The following HPSE2 variants were observed in gnomAD, a reference collection of about 807,000 sequenced individuals.
HPSE2 encodes the protein heparanase 2 (inactive), also known as inactive heparanase-2.
HPSE2 carries 38 observed loss-of-function variants against 60.5 expected under a neutral mutation model. The observed-to-expected ratio is 0.63, with a 90% CI of 0.48 to 0.82. The LOEUF is 0.82. HPSE2 is among the 40% of genes least tolerant of loss of function. HPSE2 has a pLI of 0.00. For synonymous variants in HPSE2, 295 were observed against 293.2 expected, an observed-to-expected ratio of 1.01 and a Z score of -0.06; for missense variants, 713 against 740.4, an observed-to-expected ratio of 0.96 and a Z score of 0.43.
intron 5 of HPSE2, among the ~76,000 whole-genome samples, chr10:98,709,342 C>T (rs553042566): frequency 1.2e-4 from 18 of 152,090 alleles, no homozygotes; most frequent in Non-Finnish European, 2.4e-4. Context: ...CATTCTAATC[C>T]CTAGATTTAG....
At chr10:98,935,299 T>C (rs1188605307) in intron 3 of HPSE2, among the ~76,000 whole-genome samples, 1 of 143,234 alleles carries the variant, frequency 7.0e-6, no homozygotes, top group Admixed American at 7.0e-5. Flanking sequence ...TTCATCCATC[T>C]CAGCTTTAGC....
intron 6 of HPSE2, among the ~76,000 whole-genome samples, chr10:98,688,000 C>G (rs1947961949): frequency 6.6e-6 from 1 of 151,500 alleles, no homozygotes; most frequent in African/African-American, 2.4e-5. Context: ...GATTTTTTTC[C>G]CATTTATTTT....
At chr10:98,894,981 G>A (rs891281716) in intron 3 of HPSE2, among the ~76,000 whole-genome samples, 13 of 151,920 alleles carry the variant, frequency 8.6e-5, no homozygotes, top group Non-Finnish European at 1.8e-4. Flanking sequence ...AAAGTGATGA[G>A]AAAACAAATA....
intron 11 of HPSE2, among the ~76,000 whole-genome samples, chr10:98,471,458 T>C (rs1030292183): frequency 6.6e-6 from 1 of 152,126 alleles, no homozygotes; most frequent in Non-Finnish European, 1.5e-5. Context: ...GACTCAGATA[T>C]CTTTCTAACT....
In HPSE2 at chr10:99,094,536, ATATATTTTTTTTTTTTTTTTTT is replaced by A. The variant is rs1308804884; in HGVS notation, c.610+49680_610+49701del. Among the ~76,000 whole-genome samples, 140 of 20,494 alleles carry A rather than the reference ATATATTTTTTTTTTTTTTTTTT, an allele frequency of 6.8e-3. 1 individual carries two copies. Among genetic ancestry groups the A allele is most frequent in the Non-Finnish European group, 0.011 (111 of 9,948 alleles). The allele number at this position is 20,494 out of a possible 152,430, so 13.4% of individuals were successfully genotyped here. A position where few individuals can be genotyped will look rare whatever the true frequency, so the allele number is the denominator to read the frequency against. Reference sequence around the variant, plus strand: ...CATTCATATATATATATATATATATATATATTTTTTTTTTTTTTTTTTTTTTTTTTTTTTTTCTGAGACAGAG... The same window carrying A: ...CATTCATATATATATATATATATATATTTTTTTTTTTTTTCTGAGACAGAG... On this transcript the variant is annotated intron_variant, in intron 3 of 11. Coordinates refer to ENST00000370552, the MANE Select transcript of HPSE2 (RefSeq NM_021828.5).
At chr10:98,628,424 C>T (rs1251560450) in intron 7 of HPSE2, among the ~76,000 whole-genome samples, 4 of 152,238 alleles carry the variant, frequency 2.6e-5, no homozygotes, top group African/African-American at 9.6e-5. Context: ...ATGATTCTCC[C>T]TGTGCTAGAA....
At chr10:98,999,891 T>C (rs951408113) in intron 3 of HPSE2, among the ~76,000 whole-genome samples, 29 of 152,190 alleles carry the variant, frequency 1.9e-4, no homozygotes, top group Admixed American at 2.6e-4. Context: ...ATGACATTTT[T>C]GAATTCGCTT....
intron 3 of HPSE2, among the ~76,000 whole-genome samples, chr10:99,136,927 A>G (rs1336963981): frequency 1.3e-5 from 2 of 152,228 alleles, no homozygotes; most frequent in Admixed American, 6.5e-5. Flanking sequence ...AGCGTATTCA[A>G]ATAGGAAGAG....
At chr10:99,203,864 A>AGGCCCGC (rs1327812206) in intron 2 of HPSE2, among the ~76,000 whole-genome samples, 3 of 152,002 alleles carry the variant, frequency 2.0e-5, no homozygotes, top group African/African-American at 7.2e-5. Flanking sequence ...CCCAGAAGCC[A>AGGCCCGC]GGACCGCTCC....
chr10:98,810,153 A>T (rs969840302), intron 3 of HPSE2, among the ~76,000 whole-genome samples: 1 of 151,976 alleles, frequency 6.6e-6, no homozygotes, highest in African/African-American at 2.4e-5. Flanking sequence ...GCCTTTCACT[A>T]TCTCTCCACC....
chr10:98,861,834 T>C (rs951384028), intron 3 of HPSE2, among the ~76,000 whole-genome samples: 32 of 152,206 alleles, frequency 2.1e-4, no homozygotes, highest in African/African-American at 7.0e-4. Flanking sequence ...CATCTCAACA[T>C]TGCACCAGGC....
chr10:99,217,117 GC>G (rs1484325661), intron 2 of HPSE2, among the ~76,000 whole-genome samples: 1 of 151,758 alleles, frequency 6.6e-6, no homozygotes, highest in Non-Finnish European at 1.5e-5. Flanking sequence ...TGCATGAGCA[GC>G]CCCTCCCAGC....
chr10:99,313,481 T>C, the HPSE2 span, among the ~76,000 whole-genome samples: 56 of 151,808 alleles, frequency 3.7e-4, no homozygotes, highest in South Asian at 9.3e-3. Flanking sequence ...TGAGATGAAA[T>C]CTACTCCTGG....
the HPSE2 span, among the ~76,000 whole-genome samples, chr10:99,306,865 C>T: frequency 0.14 from 21,641 of 152,076 alleles, 2,098 homozygotes; most frequent in African/African-American, 0.27. Context: ...CATGCGGCAC[C>T]ATGCCCAGCT....
chr10:98,611,071 C>T (rs573613229), intron 9 of HPSE2, among the ~76,000 whole-genome samples: 14 of 151,826 alleles, frequency 9.2e-5, no homozygotes, highest in East Asian at 5.8e-4. Flanking sequence ...GAGACTCACA[C>T]GTCCCCATTT....
At chr10:98,574,123 T>C (rs1040093214) in intron 9 of HPSE2, among the ~76,000 whole-genome samples, 16 of 152,144 alleles carry the variant, frequency 1.1e-4, no homozygotes, top group African/African-American at 3.6e-4. Flanking sequence ...CTGGACATTT[T>C]GTATAAGTGG....
At chr10:99,003,352 C>A (rs1181141208) in intron 3 of HPSE2, among the ~76,000 whole-genome samples, 2 of 151,944 alleles carry the variant, frequency 1.3e-5, no homozygotes, top group African/African-American at 4.8e-5. Flanking sequence ...AATTCATTTC[C>A]CTTGAATACC....
intron 5 of HPSE2, among the ~76,000 whole-genome samples, chr10:98,707,775 T>C (rs985788884): frequency 1.3e-5 from 2 of 152,160 alleles, no homozygotes; most frequent in African/African-American, 4.8e-5. Flanking sequence ...AACCAATTTA[T>C]AGGCTTAATG....
rs555344676 is a variant in HPSE2, at chr10:98,482,902, G to A, written c.1467-120C>T. 2,813 of 1,026,894 alleles carry A rather than the reference G, an allele frequency of 2.7e-3. 7 individuals carry two copies. The highest frequency in any genetic ancestry group is 3.3e-3 in the Non-Finnish European group (2,208 of 676,532). The allele number at this position is 1,026,894 out of a possible 1,614,324, so 63.6% of individuals were successfully genotyped here. A position where few individuals can be genotyped will look rare whatever the true frequency, so the allele number is the denominator to read the frequency against. On this transcript the variant is annotated intron_variant, in intron 10 of 11. Transcript: ENST00000370552. ...CCCTGAAAATGGCACTTAAAAACTT[G>A]GCCACCATAGACCCTAAAAGAAAGG...
Sources: gnomAD v4.1 joint callset for allele counts (sites outside exome capture counted in the v4.1 genomes callset) on GRCh38, gnomAD v4.1.1 for gene constraint, MANE v1.5 for transcripts, NCBI Gene and HGNC (gene_info 2026-07-23, HGNC 2026-07-21) for gene names.